The following ATP2B4 variants were observed in gnomAD, a reference collection of about 807,000 sequenced individuals.
The protein encoded by ATP2B4 is plasma membrane calcium-transporting ATPase 4.
In ATP2B4, 39 loss-of-function variants were observed where a neutral mutation model predicts 110.3. That is an observed-to-expected ratio of 0.35 (90% confidence interval 0.27 to 0.46). ATP2B4 has a LOEUF of 0.46. Among genes scored for constraint, ATP2B4 ranks in the 20% least tolerant of loss-of-function variants. The pLI is 1.00. For missense variants in ATP2B4, 1,135 were observed against 1,530.9 expected, an observed-to-expected ratio of 0.74 and a Z score of 4.32; for synonymous variants, 538 against 571.7, an observed-to-expected ratio of 0.94 and a Z score of 0.84.
chr1:203,711,886 G>T, intron 12 of ATP2B4, 74 bp from the exon 13 acceptor site: 1 of 1,530,882 alleles, frequency 6.5e-7, no homozygotes, highest in Non-Finnish European at 8.9e-7. Context: ...GCCACAAAGG[G>T]ACAGACAAAC....
chr1:203,682,519 C>G (rs1208806935), intron 1 of ATP2B4, among the ~76,000 whole-genome samples: 1 of 152,072 alleles, frequency 6.6e-6, no homozygotes, highest in Non-Finnish European at 1.5e-5. Flanking sequence ...ATTGAAATTA[C>G]TCCTCTACAT....
intron 18 of ATP2B4, 85 bp from the exon 19 acceptor site, chr1:203,723,796 G>A: frequency 1.9e-6 from 2 of 1,036,242 alleles, no homozygotes; most frequent in South Asian, 3.2e-5. Flanking sequence ...GGAGTGGGAT[G>A]ATGTGGCTTT....
rs370578895 is a variant in ATP2B4, at chr1:203,739,690, G to T, written c.3454G>T (p.Glu1152Ter). 1.2e-6 allele frequency: 2 copies of T among 1,614,074 alleles called. No individual in the cohort carries two copies. The highest frequency in any genetic ancestry group is 1.3e-5 in the African/African-American group (1 of 74,928). The change falls in exon 21 of 21, where the codon GAG becomes TAG. Residue 1152 changes from glutamate (E) to a stop codon, truncating the protein, a stop_gained. Transcript: ENST00000357681. LOFTEE classifies it low-confidence loss of function (END_TRUNC). ...ACGAACACCACTCCTGGATGAGGAAGAGGAGGAAAATCCTGACAAGGCTTC... is the reference window on the plus strand; with the variant it reads ...ACGAACACCACTCCTGGATGAGGAATAGGAGGAAAATCCTGACAAGGCTTC... ...LPRTPLLDEEEEENPDKASKF... is the reference protein window; with the variant it reads ...LPRTPLLDEE
At chr1:203,716,835 C>G (rs2102207148) in intron 15 of ATP2B4, among the ~76,000 whole-genome samples, 1 of 144,518 alleles carries the variant, frequency 6.9e-6, no homozygotes, top group East Asian at 2.1e-4. Context: ...GATTCTAGAC[C>G]CTTTCTTTCA....
intron 1 of ATP2B4, among the ~76,000 whole-genome samples, chr1:203,640,471 C>T (rs985703562): frequency 4.6e-5 from 7 of 152,238 alleles, no homozygotes; most frequent in South Asian, 4.2e-4. Flanking sequence ...GTGCGTGCCA[C>T]CATGCCCAGC....
intron 8 of ATP2B4, among the ~76,000 whole-genome samples, chr1:203,704,566 T>C (rs1665793830): frequency 1.4e-5 from 2 of 139,636 alleles, no homozygotes; most frequent in East Asian, 2.4e-4. Context: ...CTGCAGACTC[T>C]ACCTCCTGGG....
chr1:203,713,091 G>A, intron 13 of ATP2B4, 74 bp from the exon 14 acceptor site: 7 of 1,490,568 alleles, frequency 4.7e-6, no homozygotes, highest in South Asian at 1.1e-5. Context: ...GACTCCAAGT[G>A]TATGGAGAAG....
intron 14 of ATP2B4, 25 bp from the exon 15 acceptor site, chr1:203,714,146 A>T: frequency 6.2e-7 from 1 of 1,610,272 alleles, no homozygotes; most frequent in Non-Finnish European, 8.5e-7. Context: ...AGAAAAGCTC[A>T]CTGTGGTGTG....
At chr1:203,716,033 G>C (rs543970738) in intron 15 of ATP2B4, among the ~76,000 whole-genome samples, 3 of 144,312 alleles carry the variant, frequency 2.1e-5, no homozygotes, top group African/African-American at 7.6e-5. Flanking sequence ...GTTTTGACAG[G>C]CTCTCTCAGT....
intron 19 of ATP2B4, among the ~76,000 whole-genome samples, chr1:203,726,801 T>G (rs143026635): frequency 4.6e-5 from 7 of 152,330 alleles, no homozygotes; most frequent in Admixed American, 2.0e-4. Flanking sequence ...ATAATACTCA[T>G]GTGACCCCTC....
chr1:203,711,902 C>G, intron 12 of ATP2B4, 58 bp from the exon 13 acceptor site: 1 of 1,567,058 alleles, frequency 6.4e-7, no homozygotes, highest in Non-Finnish European at 8.7e-7. Flanking sequence ...CAAACAGGGA[C>G]AGCTTACCAG....
chr1:203,676,879 T>C (rs1664844948), intron 1 of ATP2B4, among the ~76,000 whole-genome samples: 2 of 152,144 alleles, frequency 1.3e-5, no homozygotes, highest in Admixed American at 1.3e-4. Context: ...GCTTTGAGTC[T>C]ATCCCTATGC....
chr1:203,648,623 T>A (rs1183184570), intron 1 of ATP2B4, among the ~76,000 whole-genome samples: 1 of 152,174 alleles, frequency 6.6e-6, no homozygotes, highest in East Asian at 1.9e-4. Flanking sequence ...CGGTGCAGGA[T>A]CCAGGGCCAG....
At chr1:203,674,525 A>G (rs1216126686) in intron 1 of ATP2B4, among the ~76,000 whole-genome samples, 5 of 151,832 alleles carry the variant, frequency 3.3e-5, no homozygotes, top group East Asian at 3.9e-4. Flanking sequence ...CCAGGCTGGA[A>G]TGCAGTGGCA....
chr1:203,650,381 C>T (rs777181374), intron 1 of ATP2B4, among the ~76,000 whole-genome samples: 5 of 152,048 alleles, frequency 3.3e-5, no homozygotes, highest in Non-Finnish European at 5.9e-5. Context: ...GGGGACAGGA[C>T]GAGGGTCCCT....
At chr1:203,687,214 G>T (rs1157191383) in intron 2 of ATP2B4, among the ~76,000 whole-genome samples, 2 of 150,222 alleles carry the variant, frequency 1.3e-5, no homozygotes, top group African/African-American at 4.9e-5. Flanking sequence ...GTCCTAGTGT[G>T]TAAGAAGAAT....
intron 1 of ATP2B4, among the ~76,000 whole-genome samples, chr1:203,681,407 T>C (rs1320630745): frequency 1.3e-5 from 2 of 152,186 alleles, no homozygotes; most frequent in Non-Finnish European, 2.9e-5. Context: ...TAGAAGTAAG[T>C]GTGGCATCTA....
At chr1:203,723,467 C>CCTCTCT (rs1341051332) in intron 18 of ATP2B4, among the ~76,000 whole-genome samples, 2 of 74,128 alleles carry the variant, frequency 2.7e-5, no homozygotes, top group Non-Finnish European at 5.5e-5. Flanking sequence ...TCTCCCTCTG[C>CCTCTCT]CTCTCTCTCT....
At chr1:203,696,336 A>C (rs1336005613) in intron 2 of ATP2B4, among the ~76,000 whole-genome samples, 1 of 152,138 alleles carries the variant, frequency 6.6e-6, no homozygotes, top group African/African-American at 2.4e-5. Flanking sequence ...CATTGACTAA[A>C]GTGTAAAGAA....
Sources: allele counts gnomAD v4.1 joint callset (sites outside exome capture counted in the v4.1 genomes callset), GRCh38; gene constraint gnomAD v4.1.1; transcripts MANE v1.5; gene names NCBI Gene and HGNC (gene_info 2026-07-23, HGNC 2026-07-21).